The following ACACA variants were observed in gnomAD, a reference collection of about 807,000 sequenced individuals.
ACACA encodes the protein acetyl-CoA carboxylase 1.
In ACACA, 103 loss-of-function variants were observed where a neutral mutation model predicts 296.1. The ratio of observed to expected loss-of-function variants is 0.35; its 90% CI spans 0.30 to 0.41. ACACA has a LOEUF of 0.41. ACACA is among the 10% of genes least tolerant of loss of function. ACACA has a pLI of 1.00. For synonymous variants in ACACA, 953 were observed against 1,038.6 expected, an observed-to-expected ratio of 0.92 and a Z score of 1.58; for missense variants, 1,554 against 2,989.7, an observed-to-expected ratio of 0.52 and a Z score of 11.20.
At chr17:37,275,859 A>G in intron 8 of ACACA, 92 bp downstream of exon 8, 6 of 1,061,418 alleles carry the variant, frequency 5.7e-6, no homozygotes, top group Non-Finnish European at 8.9e-6. Context: ...TTTCTTGTCA[A>G]GTATACCAAT....
At chr17:37,144,992 G>GCT (rs1435753824) in intron 45 of ACACA, among the ~76,000 whole-genome samples, 1 of 152,144 alleles carries the variant, frequency 6.6e-6, no homozygotes, top group Non-Finnish European at 1.5e-5. Flanking sequence ...TAGAGAATGT[G>GCT]CTCTCTCTCC....
Position 37,129,454 on chromosome 17 carries a change from G to GAAA in ACACA, c.5854_5855insTTT (p.Asn1951_Ser1952insPhe). 5 of 1,614,046 alleles carry GAAA rather than the reference G, an allele frequency of 3.1e-6. No homozygotes were observed. The highest frequency in any genetic ancestry group is 4.2e-6 in the Non-Finnish European group (5 of 1,179,982). On this transcript the variant is annotated inframe_insertion, in exon 47 of 56. Coordinates refer to ENST00000616317, the MANE Select transcript of ACACA (RefSeq NM_198834.3). ...GATGATTCTGTCTATAGGATCCTTT[G>GAAA]AGTTCAGAAGAGGAACTGAACTGTG...
chr17:37,388,884 A>G, intron 1 of ACACA: 1 of 1,493,604 alleles, frequency 6.7e-7, no homozygotes, highest in Non-Finnish European at 9.1e-7. Flanking sequence ...AGAAAAGCAT[A>G]GACTTTGGAA....
intron 52 of ACACA, among the ~76,000 whole-genome samples, chr17:37,103,876 C>T (rs1024883133): frequency 2.0e-5 from 3 of 151,504 alleles, no homozygotes; most frequent in Non-Finnish European, 4.4e-5. Flanking sequence ...GTCTTTCCTC[C>T]TGCATGCCCC....
intron 33 of ACACA, among the ~76,000 whole-genome samples, chr17:37,204,336 T>G (rs1391723974): frequency 1.3e-5 from 2 of 152,222 alleles, no homozygotes; most frequent in Non-Finnish European, 2.9e-5. Flanking sequence ...CTAAAGTACC[T>G]AGATCTGTGC....
chr17:37,167,508 G>A (rs1228206047), intron 41 of ACACA, among the ~76,000 whole-genome samples: 5 of 151,098 alleles, frequency 3.3e-5, no homozygotes, highest in East Asian at 2.0e-4. Flanking sequence ...TAGTAGAGAC[G>A]GGATTTCACC....
intron 1 of ACACA, among the ~76,000 whole-genome samples, chr17:37,352,024 G>A (rs549928555): frequency 6.7e-6 from 1 of 150,018 alleles, no homozygotes; most frequent in Non-Finnish European, 1.5e-5. Context: ...TCCGCCTCCC[G>A]GGTTCATGCC....
At chr17:37,182,220 C>A (rs190646792) in intron 39 of ACACA, among the ~76,000 whole-genome samples, 1 of 152,146 alleles carries the variant, frequency 6.6e-6, no homozygotes, top group African/African-American at 2.4e-5. Context: ...GCAAAGGCTT[C>A]AAAGATTTCT....
Position 37,200,502 on chromosome 17 carries a change from A to T in ACACA, c.4057-19T>A, listed in dbSNP as rs2078199122. ...TAGCTTTCTAGGAGCAAAAACATGT[A>T]AAACAGAAGATAGATGAGATTTCCA... On this transcript the variant is annotated intron_variant, in intron 33 of 55. Transcript: ENST00000616317. 6.3e-7 allele frequency: 1 copy of T among 1,598,214 alleles called. No homozygotes were observed. Among genetic ancestry groups the T allele is most frequent in the Admixed American group, 1.7e-5 (1 of 59,982 alleles).
intron 3 of ACACA, among the ~76,000 whole-genome samples, chr17:37,316,635 G>A (rs1011314134): frequency 2.0e-5 from 3 of 152,126 alleles, no homozygotes; most frequent in Non-Finnish European, 4.4e-5. Context: ...AAAGCAGTAT[G>A]AAACCTCTTC....
intron 37 of ACACA, among the ~76,000 whole-genome samples, chr17:37,191,670 G>A (rs1048684298): frequency 2.6e-5 from 4 of 152,118 alleles, no homozygotes; most frequent in African/African-American, 9.7e-5. Context: ...GCTATATACA[G>A]ACACTACCCA....
chr17:37,325,982 T>C (rs2049037), intron 3 of ACACA, among the ~76,000 whole-genome samples: 56,271 of 150,518 alleles, frequency 0.37, 14,160 homozygotes, highest in African/African-American at 0.71. Flanking sequence ...CTGAGGCAGG[T>C]GGATTGCCTG....
chr17:37,155,609 T>C, intron 43 of ACACA, 74 bp downstream of exon 43: 1 of 1,016,630 alleles, frequency 9.8e-7, no homozygotes, highest in Non-Finnish European at 1.6e-6. Flanking sequence ...TGAACAGCTG[T>C]ACAATATGGA....
chr17:37,344,841 G>A (rs868350226), intron 1 of ACACA, among the ~76,000 whole-genome samples: 1 of 152,104 alleles, frequency 6.6e-6, no homozygotes, highest in African/African-American at 2.4e-5. Flanking sequence ...AATTGTTTCC[G>A]AAGCTTCAGA....
intron 54 of ACACA, among the ~76,000 whole-genome samples, chr17:37,094,986 A>G (rs979661448): frequency 6.6e-6 from 1 of 152,224 alleles, no homozygotes; most frequent in Non-Finnish European, 1.5e-5. Context: ...TGTTCTCTCC[A>G]TTGATAAGAG....
intron 45 of ACACA, among the ~76,000 whole-genome samples, chr17:37,148,455 GCAT>G (rs2075906063): frequency 6.6e-6 from 1 of 152,134 alleles, no homozygotes; most frequent in Non-Finnish European, 1.5e-5. Context: ...CAAGCTGATC[GCAT>G]CAAATGATTC....
At chr17:37,127,523 GAAGTA>G (rs2074847328) in intron 47 of ACACA, among the ~76,000 whole-genome samples, 1 of 152,100 alleles carries the variant, frequency 6.6e-6, no homozygotes, top group Admixed American at 6.5e-5. Context: ...CCAAATTCTA[GAAGTA>G]AAGAGGCTCA....
chr17:37,299,063 G>C (rs1376158853), intron 3 of ACACA, among the ~76,000 whole-genome samples: 1 of 152,008 alleles, frequency 6.6e-6, no homozygotes, highest in South Asian at 2.1e-4. Context: ...TCACACATGG[G>C]CTCAGGGATC....
intron 50 of ACACA, among the ~76,000 whole-genome samples, chr17:37,118,367 T>A (rs1020662767): frequency 2.6e-5 from 4 of 152,224 alleles, no homozygotes; most frequent in Non-Finnish European, 5.9e-5. Flanking sequence ...TGTGAATGTA[T>A]TTAGTGCCAC....
Sources: gnomAD v4.1 joint callset for allele counts (sites outside exome capture counted in the v4.1 genomes callset) on GRCh38, gnomAD v4.1.1 for gene constraint, MANE v1.5 for transcripts, NCBI Gene and HGNC (gene_info 2026-07-23, HGNC 2026-07-21) for gene names.